UTY: variants seen among roughly 807,000 people sequenced by gnomAD.
UTY encodes the protein ubiquitously transcribed tetratricopeptide repeat containing, Y-linked.
A neutral mutation model predicts 32.5 loss-of-function variants in UTY; 12 were observed. That is an observed-to-expected ratio of 0.37 (90% CI 0.24 to 0.60). The LOEUF is 0.60. Ranked by LOEUF, UTY falls within the 20% of genes least tolerant of loss-of-function variation. The pLI is 0.69. For synonymous variants in UTY, 131 were observed against 103.4 expected (o/e 1.27, Z -1.62); for missense variants, 303 against 299.2 (o/e 1.01, Z -0.09).
intron 7 of UTY, among the ~76,000 whole-genome samples, chrY:13,394,337 T>C: frequency 8.9e-5 from 3 of 33,717 alleles, no homozygotes; most frequent in Non-Finnish European, 2.2e-4. Flanking sequence ...TTTTTCTTTA[T>C]AGTCAATCTT....
intron 27 of UTY, among the ~76,000 whole-genome samples, chrY:13,288,477 T>C (rs2057565908): frequency 1.0e-3 from 30 of 29,015 alleles, no homozygotes; most frequent in Admixed American, 0.01. Context: ...GCCTGATCAG[T>C]GGACAGGTAG....
chrY:13,246,539 A>G, downstream of UTY, among the ~76,000 whole-genome samples: 1 of 32,697 alleles, frequency 3.1e-5, no homozygotes, highest in Non-Finnish European at 7.5e-5. Flanking sequence ...TATCTTGAAC[A>G]TCCTAGTTTG....
chrY:13,292,366 T>C, intron 27 of UTY, among the ~76,000 whole-genome samples: 3 of 28,798 alleles, frequency 1.0e-4, no homozygotes, highest in Non-Finnish European at 1.6e-4. Flanking sequence ...GGAGAATTGC[T>C]TGAACCTGGG....
At chrY:13,325,354 C>T in intron 19 of UTY, among the ~76,000 whole-genome samples, 1 of 33,211 alleles carries the variant, frequency 3.0e-5, no homozygotes, top group South Asian at 6.6e-4. Context: ...AAAATCCTCT[C>T]GTACAGATCT....
intron 10 of UTY, among the ~76,000 whole-genome samples, chrY:13,365,521 T>A: frequency 3.1e-5 from 1 of 31,883 alleles, no homozygotes; most frequent in African/African-American, 1.2e-4. Flanking sequence ...TTTTACCTCC[T>A]AGGAACTTTT....
chrY:13,255,785 C>T, intron 28 of UTY, among the ~76,000 whole-genome samples: 1 of 33,695 alleles, frequency 3.0e-5, no homozygotes, highest in Non-Finnish European at 7.4e-5. Flanking sequence ...ACAATTTCTG[C>T]GGTAAACAAC....
At chrY:13,385,196 AC>A (rs2066575653) in intron 8 of UTY, among the ~76,000 whole-genome samples, 1 of 33,576 alleles carries the variant, frequency 3.0e-5, no homozygotes, top group Non-Finnish European at 7.3e-5. Flanking sequence ...AATTAAAAAC[AC>A]AATACTCTTT....
chrY:13,258,619 C>A, intron 28 of UTY, among the ~76,000 whole-genome samples: 1 of 34,054 alleles, frequency 2.9e-5, no homozygotes, highest in Non-Finnish European at 7.3e-5. Context: ...CACACCTGAC[C>A]TTAATGCCAG....
At chrY:13,309,692 A>G (rs572363567) in intron 21 of UTY, among the ~76,000 whole-genome samples, 62 of 33,370 alleles carry the variant, frequency 1.9e-3, no homozygotes, top group South Asian at 6.1e-3. Context: ...ACAACTTAGA[A>G]AAAGTCACAC....
At chrY:13,390,689 C>T in intron 8 of UTY, among the ~76,000 whole-genome samples, 11 of 33,221 alleles carry the variant, frequency 3.3e-4, no homozygotes, top group Admixed American at 3.1e-3. Flanking sequence ...TTGTTAAGAA[C>T]TTACACTGAT....
chrY:13,305,599 C>T, intron 23 of UTY, 52 bp from the exon 24 acceptor site: 1 of 341,818 alleles, frequency 2.9e-6, no homozygotes, highest in African/African-American at 6.9e-5. Flanking sequence ...TCACCACATC[C>T]TCAAAAACCC....
rs2063816464 is a variant in UTY at position 13,364,136 on chromosome Y, C to CA, written c.866+2130dup. ...CTTTAATATAAATATGCTTTCCTTT[C>CA]AAAAAAAAAAACATTGTACACAAAG... On this transcript the variant is annotated intron_variant, in intron 10 of 29. Coordinates refer to ENST00000545955, the MANE Select transcript of UTY (RefSeq NM_001258249.2). Among the ~76,000 whole-genome samples, 41 of 22,890 alleles carry CA rather than the reference C, an allele frequency of 1.8e-3. No individual in the cohort carries two copies. The East Asian group carries it at 0.039, about 22-fold the overall frequency. The allele number at this position is 22,890 out of a possible 37,273, so 61.4% of individuals were successfully genotyped here.
At chrY:13,323,352 C>A in intron 21 of UTY, 1 of 114,066 alleles carries the variant, frequency 8.8e-6, no homozygotes. Context: ...GCTGAGATCA[C>A]ACCATTGCAT....
chrY:13,355,595 A>T, intron 16 of UTY, 197 bp from the exon 17 acceptor site: 15 of 338,517 alleles, frequency 4.4e-5, no homozygotes, highest in Non-Finnish European at 6.1e-5. Context: ...TCAAGGGCAA[A>T]ATAAAGCTGC....
intron 17 of UTY, among the ~76,000 whole-genome samples, chrY:13,337,642 G>A (rs1603419595): frequency 6.0e-5 from 2 of 33,360 alleles, no homozygotes; most frequent in South Asian, 1.3e-3. Flanking sequence ...TAACAAAAAG[G>A]TGGAGTTACA....
intron 3 of UTY, among the ~76,000 whole-genome samples, chrY:13,449,947 G>A (rs2076189118): frequency 3.0e-5 from 1 of 33,723 alleles, no homozygotes; most frequent in African/African-American, 1.1e-4. Context: ...AAATGTAAAC[G>A]TTAGCTGAAA....
intron 4 of UTY, among the ~76,000 whole-genome samples, chrY:13,448,051 C>G: frequency 3.0e-5 from 1 of 33,854 alleles, no homozygotes; most frequent in African/African-American, 1.2e-4. Flanking sequence ...TTGTGAAAAG[C>G]TGCTAGGTTG....
chrY:13,436,967 GACACACACACAC>G (rs774903488), intron 4 of UTY, among the ~76,000 whole-genome samples: 2 of 24,118 alleles, frequency 8.3e-5, no homozygotes, highest in Non-Finnish European at 2.0e-4. Context: ...AAGCAAAAGA[GACACACACACAC>G]ACACACACAC....
At chrY:13,350,275 T>C (rs2062262277) in intron 17 of UTY, among the ~76,000 whole-genome samples, 1 of 33,392 alleles carries the variant, frequency 3.0e-5, no homozygotes, top group Non-Finnish European at 7.4e-5. Flanking sequence ...AAACCCAAAC[T>C]GGAATTTCAG....
Sources: gnomAD v4.1 joint callset for allele counts (sites outside exome capture counted in the v4.1 genomes callset) on GRCh38, gnomAD v4.1.1 for gene constraint, MANE v1.5 for transcripts, NCBI Gene and HGNC (gene_info 2026-07-23, HGNC 2026-07-21) for gene names.